Variants in PDZRN3 observed in about 807,000 individuals in gnomAD.
PDZRN3 encodes the protein E3 ubiquitin-protein ligase PDZRN3.
Under a neutral mutation model 85.7 loss-of-function variants are expected in PDZRN3, and 38 were observed. The observed-to-expected ratio is 0.44, with a 90% CI of 0.34 to 0.58. The LOEUF (loss-of-function observed/expected upper bound fraction) is 0.58. PDZRN3 is among the 20% of genes least tolerant of loss of function. The pLI, the probability that PDZRN3 is intolerant of heterozygous loss-of-function variation, is 0.01. For missense variants in PDZRN3, 1,629 were observed against 1,506.4 expected, an observed-to-expected ratio of 1.08 and a Z score of -1.35; for synonymous variants, 759 against 638.0, an observed-to-expected ratio of 1.19 and a Z score of -2.86.
At chr3:73,559,387 T>C (rs951876488) in intron 3 of PDZRN3, among the ~76,000 whole-genome samples, 14 of 152,208 alleles carry the variant, frequency 9.2e-5, no homozygotes, top group Admixed American at 6.5e-4. Flanking sequence ...TAATAAAAGA[T>C]GAGATTATGA....
intron 3 of PDZRN3, among the ~76,000 whole-genome samples, chr3:73,431,020 G>A (rs1469398086): frequency 6.6e-6 from 1 of 152,072 alleles, no homozygotes; most frequent in Non-Finnish European, 1.5e-5. Flanking sequence ...CCACCACCTG[G>A]ACACCACAGT....
rs1704525636 is a variant in PDZRN3, at chr3:73,526,427, C to T, written c.918+75927G>A. 2.0e-5 allele frequency among the ~76,000 whole-genome samples: 3 copies of T among 152,144 alleles called. No individual in the cohort carries two copies. In the South Asian group the frequency reaches 6.2e-4, roughly 32 times the overall value. ...AGCTGGAGACTTCTGTTTTCTAAGC[C>T]CCAGCCTTGCCAGCACCTCACCAGC... On this transcript the variant is annotated intron_variant, in intron 3 of 9. Transcript: ENST00000263666.
In PDZRN3 at chr3:73,455,810, T is replaced by C. The variant is rs1702965541; in HGVS notation, c.919-51415A>G. Among the ~76,000 whole-genome samples the C allele has an allele frequency of 2.0e-5, 3 of 152,234 alleles. No homozygotes were observed. The South Asian group carries it at 6.2e-4, about 31-fold the overall frequency. On this transcript the variant is annotated intron_variant, in intron 3 of 9. Coordinates refer to ENST00000263666, the MANE Select transcript of PDZRN3 (RefSeq NM_015009.3). ...AAATCAAAAGGTACACTTTCTTCGC[T>C]AGGCCAACTGTCCTCCTCTGACCCC...
intron 3 of PDZRN3, among the ~76,000 whole-genome samples, chr3:73,426,193 T>C (rs1333612332): frequency 2.0e-5 from 3 of 152,096 alleles, no homozygotes; most frequent in East Asian, 1.9e-4. Flanking sequence ...GTATACATTA[T>C]GTATATAATG....
intron 1 of PDZRN3, among the ~76,000 whole-genome samples, chr3:73,616,310 A>G (rs978176027): frequency 3.1e-5 from 3 of 97,482 alleles, no homozygotes; most frequent in African/African-American, 1.3e-4. Context: ...ATGTCAACAC[A>G]AATAGACTAA....
intron 3 of PDZRN3, among the ~76,000 whole-genome samples, chr3:73,449,478 G>C (rs1702815188): frequency 1.3e-5 from 2 of 152,142 alleles, no homozygotes; most frequent in South Asian, 4.1e-4. Context: ...ATAATCCACA[G>C]TGCGAGCAAA....
At chr3:73,451,666 G>A (rs998220979) in intron 3 of PDZRN3, among the ~76,000 whole-genome samples, 1 of 152,160 alleles carries the variant, frequency 6.6e-6, no homozygotes, top group African/African-American at 2.4e-5. Context: ...ATTTGATTAG[G>A]TAAAATATAT....
chr3:73,611,753 A>G (rs1702688429), intron 1 of PDZRN3, among the ~76,000 whole-genome samples: 1 of 152,054 alleles, frequency 6.6e-6, no homozygotes, highest in South Asian at 2.1e-4. Flanking sequence ...AACCTTAACT[A>G]CTTTAGTTTA....
intron 3 of PDZRN3, among the ~76,000 whole-genome samples, chr3:73,416,867 T>TTTTG (rs1702093264): frequency 1.4e-5 from 1 of 72,692 alleles, no homozygotes; most frequent in African/African-American, 5.3e-5. Flanking sequence ...TTTTGTTTGT[T>TTTTG]TTTTTTTGGT....
chr3:73,443,498 T>TTTTGG (rs57581231), intron 3 of PDZRN3, among the ~76,000 whole-genome samples: 4 of 129,120 alleles, frequency 3.1e-5, no homozygotes, highest in South Asian at 2.4e-4. Flanking sequence ...TTTTTTTTTT[T>TTTTGG]GGGGGGGGGA....
intron 3 of PDZRN3, among the ~76,000 whole-genome samples, chr3:73,576,454 T>C (rs574548622): frequency 6.6e-6 from 1 of 152,294 alleles, no homozygotes; most frequent in South Asian, 2.1e-4. Context: ...CAAAGAAGAA[T>C]GCCATAGCCT....
rs866285629 is a variant in PDZRN3, at chr3:73,384,459, C to T, written c.2107G>A (p.Val703Met). The change falls in exon 10 of 10, where the codon GTG becomes ATG. Residue 703 changes from valine to methionine, a missense_variant. Coordinates refer to ENST00000263666, the MANE Select transcript of PDZRN3 (RefSeq NM_015009.3). ...RSIELECLSI[V>M]RAHKMQQLKE... ...AGCTGCTGCATCTTGTGGGCGCGCA[C>T]GATGCTCAGGCACTCCAGCTCGATG... is the stretch of plus-strand genomic sequence containing the variant. 1 of 1,612,690 alleles carries T rather than the reference C, an allele frequency of 6.2e-7. No homozygotes were observed. Among genetic ancestry groups the T allele is most frequent in the Non-Finnish European group, 8.5e-7 (1 of 1,179,994 alleles).
At chr3:73,405,894 T>C (rs1024286350) in intron 3 of PDZRN3, among the ~76,000 whole-genome samples, 1 of 152,212 alleles carries the variant, frequency 6.6e-6, no homozygotes, top group African/African-American at 2.4e-5. Flanking sequence ...TTTCTCTTTT[T>C]TTCCCCCAAA....
At chr3:73,608,743 T>A in intron 1 of PDZRN3, 59 bp from the exon 2 acceptor site, 1 of 1,028,754 alleles carries the variant, frequency 9.7e-7, no homozygotes, top group Non-Finnish European at 1.5e-6. Flanking sequence ...ATGGTAGGAA[T>A]TTTCCTTCTA....
intron 3 of PDZRN3, among the ~76,000 whole-genome samples, chr3:73,521,199 G>A (rs932578229): frequency 6.6e-6 from 1 of 152,168 alleles, no homozygotes; most frequent in African/African-American, 2.4e-5. Context: ...ACGGGTTGTT[G>A]TGCGTGCCAC....
At chr3:73,606,459 G>A (rs1702600395) in intron 2 of PDZRN3, among the ~76,000 whole-genome samples, 1 of 152,158 alleles carries the variant, frequency 6.6e-6, no homozygotes, top group Non-Finnish European at 1.5e-5. Flanking sequence ...TCCGAAGGCT[G>A]GAGAGTACGG....
chr3:73,507,697 G>T (rs1453056234), intron 3 of PDZRN3, among the ~76,000 whole-genome samples: 2 of 152,176 alleles, frequency 1.3e-5, no homozygotes, highest in African/African-American at 4.8e-5. Flanking sequence ...ACTTGGCAAA[G>T]AAAAGATGTA....
chr3:73,416,088 C>CTGTT (rs1702076312), intron 3 of PDZRN3, among the ~76,000 whole-genome samples: 1 of 150,186 alleles, frequency 6.7e-6, no homozygotes, highest in Admixed American at 6.6e-5. Flanking sequence ...GTTTTTCCTT[C>CTGTT]TGTTTGTACC....
intron 3 of PDZRN3, among the ~76,000 whole-genome samples, chr3:73,432,167 C>T (rs1702445649): frequency 6.6e-6 from 1 of 152,208 alleles, no homozygotes; most frequent in Admixed American, 6.5e-5. Context: ...CCACTTGTTT[C>T]CTGCCTGCGT....
Sources: gnomAD v4.1 joint callset for allele counts (sites outside exome capture counted in the v4.1 genomes callset) on GRCh38, gnomAD v4.1.1 for gene constraint, MANE v1.5 for transcripts, NCBI Gene and HGNC (gene_info 2026-07-23, HGNC 2026-07-21) for gene names.